Variants in PDE7B observed in about 807,000 individuals in gnomAD.
PDE7B encodes 3',5'-cyclic-AMP phosphodiesterase 7B.
Under a neutral mutation model 56.2 loss-of-function variants are expected in PDE7B, and 29 were observed. That is an observed-to-expected ratio of 0.52 (90% CI 0.38 to 0.70). PDE7B has a LOEUF of 0.70. PDE7B is among the 30% of genes least tolerant of loss of function. The probability of loss-of-function intolerance (pLI) is 0.00; values close to 1 mark genes in which losing one functional copy is unlikely to be tolerated. For missense variants in PDE7B, 490 were observed against 565.0 expected (o/e 0.87, Z 1.35); for synonymous variants, 197 against 196.9 (o/e 1.00, Z 0.00).
intron 2 of PDE7B, among the ~76,000 whole-genome samples, chr6:135,994,278 A>G (rs1284144206): frequency 6.6e-6 from 1 of 152,108 alleles, no homozygotes; most frequent in Non-Finnish European, 1.5e-5. Flanking sequence ...CACATTTGTT[A>G]AAGTGGATGA....
intron 3 of PDE7B, among the ~76,000 whole-genome samples, chr6:136,122,470 C>A (rs1477722603): frequency 6.6e-6 from 1 of 152,202 alleles, no homozygotes; most frequent in Admixed American, 6.5e-5. Flanking sequence ...ATTCCCTCTT[C>A]AATCCCCTAA....
chr6:135,891,199 T>A (rs1043146403), intron 1 of PDE7B, among the ~76,000 whole-genome samples: 2 of 152,198 alleles, frequency 1.3e-5, no homozygotes, highest in African/African-American at 4.8e-5. Context: ...ATAATATTGT[T>A]CTGTTTGGAA....
chr6:135,978,870 T>C (rs1232593183), intron 2 of PDE7B, among the ~76,000 whole-genome samples: 1 of 151,920 alleles, frequency 6.6e-6, no homozygotes, highest in Non-Finnish European at 1.5e-5. Context: ...ACCCTTTATT[T>C]CCTTCTCCTG....
chr6:135,903,045 A>G (rs547460567), intron 1 of PDE7B, among the ~76,000 whole-genome samples: 1 of 152,314 alleles, frequency 6.6e-6, no homozygotes, highest in South Asian at 2.1e-4. Flanking sequence ...TGCTATCTAG[A>G]TAATAATTTA....
In PDE7B at chr6:136,062,197, T is replaced by A. The variant is rs148182964; in HGVS notation, c.83-46534T>A. On this transcript the variant is annotated intron_variant, in intron 2 of 12. Transcript: ENST00000308191. ...TAAATACAGTACTATTATCCTTTTT[T>A]AAAAATTTTTTCCACCTTTATTGAG... Among the ~76,000 whole-genome samples, 995 of 152,308 alleles carry A rather than the reference T, an allele frequency of 6.5e-3. 8 individuals carry two copies. The highest frequency in any genetic ancestry group is 0.023 in the African/African-American group (954 of 41,554).
intron 3 of PDE7B, among the ~76,000 whole-genome samples, chr6:136,122,162 A>C (rs1252500915): frequency 6.6e-6 from 1 of 151,286 alleles, no homozygotes; most frequent in Non-Finnish European, 1.5e-5. Context: ...CGCCCGGCTA[A>C]TTTTTTGTAT....
chr6:135,879,117 TATTA>T (rs1160831929), intron 1 of PDE7B, among the ~76,000 whole-genome samples: 12 of 152,246 alleles, frequency 7.9e-5, no homozygotes, highest in Admixed American at 1.3e-4. Context: ...CTTCTATAAT[TATTA>T]ATTATAAAAA....
At chr6:136,038,486 A>T in intron 2 of PDE7B, 2 of 1,289,724 alleles carry the variant, frequency 1.6e-6, no homozygotes, top group Non-Finnish European at 2.0e-6. Flanking sequence ...GACCAAACAG[A>T]GAGGCATTCT....
At chr6:135,910,695 A>G (rs1016731281) in intron 1 of PDE7B, among the ~76,000 whole-genome samples, 1 of 152,152 alleles carries the variant, frequency 6.6e-6, no homozygotes, top group African/African-American at 2.4e-5. Flanking sequence ...TGCCATATGG[A>G]GTATTTTCAC....
chr6:136,133,632 A>G (rs17065299), intron 3 of PDE7B, among the ~76,000 whole-genome samples: 7,902 of 152,210 alleles, frequency 0.052, 680 homozygotes, highest in African/African-American at 0.18. Context: ...TCCTTCTTTC[A>G]GTAAACACCT....
intron 8 of PDE7B, among the ~76,000 whole-genome samples, chr6:136,169,818 C>A (rs188490668): frequency 1.3e-5 from 2 of 152,154 alleles, no homozygotes; most frequent in Non-Finnish European, 2.9e-5. Context: ...TTGTGTGTAG[C>A]TCATGCCCAA....
chr6:135,889,888 G>T (rs1040962725), intron 1 of PDE7B, among the ~76,000 whole-genome samples: 1 of 148,878 alleles, frequency 6.7e-6, no homozygotes, highest in African/African-American at 2.5e-5. Context: ...GAGTAGTTGG[G>T]ATTACAGGCA....
rs1293038724 is a variant in PDE7B, at chr6:136,156,797, T to C, written c.711+1039T>C. Among the ~76,000 whole-genome samples, 3 of 152,232 alleles carry C rather than the reference T, an allele frequency of 2.0e-5. No individual in the cohort carries two copies. The East Asian group carries it at 5.8e-4, about 29-fold the overall frequency. On this transcript the variant is annotated intron_variant, in intron 8 of 12. Transcript: ENST00000308191. ...GAAAATAAAAATTGTTTAAAAGGAC[T>C]TGAAAATAATAGGAAACTTCAATTT...
chr6:135,870,446 G>A (rs565894666), intron 1 of PDE7B, among the ~76,000 whole-genome samples: 1 of 151,970 alleles, frequency 6.6e-6, no homozygotes, highest in Non-Finnish European at 1.5e-5. Context: ...GTGTGTGTGT[G>A]TGTGTGCACA....
At chr6:136,002,615 T>C (rs1395822255) in intron 2 of PDE7B, among the ~76,000 whole-genome samples, 2 of 152,194 alleles carry the variant, frequency 1.3e-5, no homozygotes, top group African/African-American at 2.4e-5. Flanking sequence ...GGCCATTACA[T>C]AATGGTAAAG....
At chr6:135,926,308 C>G (rs888164621) in intron 1 of PDE7B, among the ~76,000 whole-genome samples, 2 of 152,108 alleles carry the variant, frequency 1.3e-5, no homozygotes, top group Admixed American at 1.3e-4. Flanking sequence ...AGGATGGTCT[C>G]AATCTCCTGA....
rs1433778403 is a variant in PDE7B at position 136,194,153 on chromosome 6, T to C, written c.*2313T>C. 6.6e-6 allele frequency: 1 copy of C among 152,138 alleles called. No homozygotes were observed. The highest frequency in any genetic ancestry group is 1.5e-5 in the Non-Finnish European group (1 of 68,034). 9.4% of individuals were successfully genotyped at this position (152,138 alleles called of 1,614,324 possible). On this transcript the variant is annotated 3_prime_UTR_variant, in exon 13 of 13. Transcript: ENST00000308191. ...GCTTTTGAACAGTCTATTTTTAATG[T>C]ATATGAGGTCAAATCAAGGAAGGCA...
chr6:136,023,053 C>G (rs1776099017), intron 2 of PDE7B, among the ~76,000 whole-genome samples: 1 of 152,140 alleles, frequency 6.6e-6, no homozygotes, highest in African/African-American at 2.4e-5. Flanking sequence ...ACTCTAAAAC[C>G]CTTTTTCCCA....
intron 1 of PDE7B, among the ~76,000 whole-genome samples, chr6:135,861,007 C>T (rs1184380689): frequency 6.6e-6 from 1 of 151,894 alleles, no homozygotes; most frequent in Non-Finnish European, 1.5e-5. Context: ...CTCTTCCATT[C>T]TTTCATGCAG....
Sources: gnomAD v4.1 joint callset for allele counts (sites outside exome capture counted in the v4.1 genomes callset) on GRCh38, gnomAD v4.1.1 for gene constraint, MANE v1.5 for transcripts, NCBI Gene and HGNC (gene_info 2026-07-23, HGNC 2026-07-21) for gene names.